Variants in CABP1 observed in about 807,000 individuals in gnomAD.
CABP1 encodes the protein calcium-binding protein 1.
Under a neutral mutation model 34.3 loss-of-function variants are expected in CABP1, and 17 were observed. That is an observed-to-expected ratio of 0.50 (90% CI 0.34 to 0.74). CABP1 has a LOEUF of 0.74. CABP1 is among the 30% of genes least tolerant of loss of function. The pLI, the probability that CABP1 is intolerant of heterozygous loss-of-function variation, is 0.01. For missense variants in CABP1, 373 were observed against 511.1 expected, an observed-to-expected ratio of 0.73 and a Z score of 2.61; for synonymous variants, 198 against 229.2, an observed-to-expected ratio of 0.86 and a Z score of 1.23.
At chr12:120,658,366 A>C (rs1397252122) in intron 1 of CABP1, among the ~76,000 whole-genome samples, 4 of 151,856 alleles carry the variant, frequency 2.6e-5, no homozygotes, top group Non-Finnish European at 4.4e-5. Flanking sequence ...GTAAAGTGCT[A>C]GGATTACAGG....
At chr12:120,643,640 C>T (rs889910035) in intron 1 of CABP1, among the ~76,000 whole-genome samples, 2 of 152,136 alleles carry the variant, frequency 1.3e-5, no homozygotes, top group African/African-American at 2.4e-5. Flanking sequence ...CTATGTTGCC[C>T]GGGCAGTCTG....
intron 1 of CABP1, among the ~76,000 whole-genome samples, chr12:120,652,111 A>G (rs913556600): frequency 6.6e-6 from 1 of 152,180 alleles, no homozygotes. Flanking sequence ...CCATCCATCA[A>G]TTGGGCATAC....
downstream of CABP1, among the ~76,000 whole-genome samples, chr12:120,668,028 A>G (rs1881106442): frequency 2.0e-5 from 3 of 152,182 alleles, no homozygotes; most frequent in South Asian, 6.2e-4. Flanking sequence ...AACACATCAT[A>G]TAGGATTACA....
intron 1 of CABP1, among the ~76,000 whole-genome samples, chr12:120,644,645 A>G (rs976579509): frequency 6.6e-6 from 1 of 152,104 alleles, no homozygotes; most frequent in African/African-American, 2.4e-5. Context: ...CATCCTTCCC[A>G]TTTTTCCAGC....
chr12:120,664,905 G>A (rs890954405), intron 5 of CABP1, among the ~76,000 whole-genome samples: 10 of 150,488 alleles, frequency 6.6e-5, no homozygotes, highest in Middle Eastern at 3.2e-3. Context: ...GAGAGAGAGA[G>A]ATGAGCTATC....
chr12:120,671,829 G>A (rs906661266), downstream of CABP1, among the ~76,000 whole-genome samples: 1 of 152,232 alleles, frequency 6.6e-6, no homozygotes, highest in African/African-American at 2.4e-5. Context: ...TGCTTTGGGA[G>A]GCTGAGGTGG....
At chr12:120,662,232 C>T (rs1320010630) in intron 5 of CABP1, 1 of 152,366 alleles carries the variant, frequency 6.6e-6, no homozygotes, top group Non-Finnish European at 1.5e-5. Flanking sequence ...CTGACCACAG[C>T]TCACCTCCCC....
At position 120,660,969 on chromosome 12, in the gene CABP1, G is replaced by T; in HGVS notation, c.940-102G>T. Reference sequence around the variant, plus strand: ...GAGCTTGGACAGAGAAAGGTCTCTGGTAAAGGGGGGCAATGACACTGGAGA... The same window carrying T: ...GAGCTTGGACAGAGAAAGGTCTCTGTTAAAGGGGGGCAATGACACTGGAGA... On this transcript the variant is annotated intron_variant, in intron 4 of 5. Coordinates refer to ENST00000316803, the MANE Select transcript of CABP1 (RefSeq NM_001033677.2). The surrounding 1 kb of genome is among the most constrained non-coding windows in gnomAD (Gnocchi z 5.0). 6.9e-7 allele frequency: 1 copy of T among 1,451,498 alleles called. No individual in the cohort carries two copies. Among genetic ancestry groups the T allele is most frequent in the Non-Finnish European group, 9.5e-7 (1 of 1,051,630 alleles). 89.9% of individuals were successfully genotyped at this position (1,451,498 alleles called of 1,614,324 possible). A position where few individuals can be genotyped will look rare whatever the true frequency, so the allele number is the denominator to read the frequency against.
the CABP1 span, among the ~76,000 whole-genome samples, chr12:120,675,306 A>T: frequency 6.6e-6 from 1 of 151,940 alleles, no homozygotes; most frequent in African/African-American, 2.4e-5. Flanking sequence ...ACCCGCCTCG[A>T]CCTCCCAAAG....
chr12:120,676,629 G>A, the CABP1 span, among the ~76,000 whole-genome samples: 2 of 152,122 alleles, frequency 1.3e-5, no homozygotes, highest in Non-Finnish European at 2.9e-5. Flanking sequence ...GTCTCTCCAT[G>A]TTGGTCAGGC....
At position 120,640,752 on chromosome 12, in the gene CABP1, G is replaced by A; in HGVS notation, c.67G>A (p.Gly23Arg). 3 of 1,173,426 alleles carry A rather than the reference G, an allele frequency of 2.6e-6. No homozygotes were observed. The highest frequency in any genetic ancestry group is 3.2e-6 in the Non-Finnish European group (3 of 950,964). The allele number at this position is 1,173,426 out of a possible 1,614,324, so 72.7% of individuals were successfully genotyped here. A position where few individuals can be genotyped will look rare whatever the true frequency, so the allele number is the denominator to read the frequency against. The change falls in exon 1 of 6, where the codon GGG (glycine) becomes AGG (arginine). Residue 23 changes from glycine (G) to arginine (R), a missense_variant. By Grantham distance (125) the Gly-to-Arg change is moderately radical. Transcript: ENST00000316803. This position sits in a 1 kb window ranked among gnomAD's most constrained non-coding sequence, Gnocchi z 6.2. ...CGGCGCCCGCCTCCAGCGCGTCCTC[G>A]GGCTTGGCTCCCGCCGGGAGCCCCG... ...GDGARLQRVL[G>R]LGSRREPRSL...
chr12:120,666,756 G>T, intron 5 of CABP1, 119 bp from the exon 6 acceptor site: 1 of 1,106,398 alleles, frequency 9.0e-7, no homozygotes, highest in South Asian at 1.4e-5. Flanking sequence ...GGAGAGGGCG[G>T]AATGGATGGG....
chr12:120,656,363 A>C (rs1880218951), intron 1 of CABP1: 2 of 1,238,422 alleles, frequency 1.6e-6, no homozygotes, highest in South Asian at 1.9e-5. Context: ...TACAGAGCTC[A>C]CACCCCCAAC....
intron 1 of CABP1, chr12:120,655,560 T>C: frequency 8.0e-7 from 1 of 1,243,784 alleles, no homozygotes; most frequent in Non-Finnish European, 1.0e-6. Flanking sequence ...CCAAGCCTGG[T>C]CTCCATGCTG....
chr12:120,660,040 G>A lies in CABP1; in HGVS notation c.685+132G>A, dbSNP rs1167512489. The A allele has an allele frequency of 7.8e-7, 1 of 1,278,162 alleles. No homozygotes were observed. Among genetic ancestry groups the A allele is most frequent in the African/African-American group, 1.5e-5 (1 of 67,136 alleles). 79.2% of individuals were successfully genotyped at this position (1,278,162 alleles called of 1,614,324 possible). A position where few individuals can be genotyped will look rare whatever the true frequency, so the allele number is the denominator to read the frequency against. ...CGGGGTATCTTCTGTGAAACCAGCT[G>A]CTGAAGGTGTGCACAGGAGGCAAGA... On this transcript the variant is annotated intron_variant, in intron 2 of 5. Transcript: ENST00000316803. This position sits in a 1 kb window ranked among gnomAD's most constrained non-coding sequence, Gnocchi z 5.0.
chr12:120,663,567 C>T (rs1299695657), intron 5 of CABP1, among the ~76,000 whole-genome samples: 7 of 152,156 alleles, frequency 4.6e-5, no homozygotes, highest in East Asian at 1.9e-4. Context: ...TGAGCCACCG[C>T]GCCCAGCCTC....
chr12:120,648,753 C>T (rs1483815997), intron 1 of CABP1, among the ~76,000 whole-genome samples: 1 of 151,964 alleles, frequency 6.6e-6, no homozygotes, highest in African/African-American at 2.4e-5. Flanking sequence ...TGAAGTTGTG[C>T]GTCTGTAATC....
At chr12:120,654,449 TCTC>T (rs1055404056) in intron 1 of CABP1, among the ~76,000 whole-genome samples, 7 of 152,196 alleles carry the variant, frequency 4.6e-5, no homozygotes, top group African/African-American at 1.7e-4. Flanking sequence ...CTTGGGATGT[TCTC>T]CTAAGCAGGG....
At chr12:120,642,556 A>C (rs976855034) in intron 1 of CABP1, among the ~76,000 whole-genome samples, 1 of 152,216 alleles carries the variant, frequency 6.6e-6, no homozygotes, top group African/African-American at 2.4e-5. Flanking sequence ...TTGTTCCTGC[A>C]GGGAGCCCTC....
Sources: allele counts gnomAD v4.1 joint callset (sites outside exome capture counted in the v4.1 genomes callset), GRCh38; gene constraint gnomAD v4.1.1; non-coding constraint Gnocchi (gnomAD v3.1); transcripts MANE v1.5; gene names NCBI Gene and HGNC (gene_info 2026-07-23, HGNC 2026-07-21).